Variants in FGD1 observed in about 807,000 individuals in gnomAD.
FGD1 encodes FYVE, RhoGEF and PH domain-containing protein 1.
A neutral mutation model predicts 65.0 loss-of-function variants in FGD1; 12 were observed. The ratio of observed to expected loss-of-function variants is 0.18; its 90% CI spans 0.12 to 0.30. The LOEUF (loss-of-function observed/expected upper bound fraction) is 0.30, where lower values mean the gene tolerates loss of function less well. Among genes scored for constraint, FGD1 ranks in the 10% least tolerant of loss-of-function variants. FGD1 has a pLI of 1.00. For missense variants in FGD1, 542 were observed against 837.6 expected (o/e 0.65, Z 4.36); for synonymous variants, 333 against 343.9 (o/e 0.97, Z 0.35).
Position 54,449,780 on chromosome X carries a change from A to C in FGD1, c.2047-20T>G. 1.8e-6 allele frequency: 2 copies of C among 1,082,840 alleles called. No individual in the cohort carries two copies. The highest frequency in any genetic ancestry group is 2.6e-6 in the Non-Finnish European group (2 of 778,840). 89.2% of individuals were successfully genotyped at this position (1,082,840 alleles called of 1,213,427 possible). On this transcript the variant is annotated intron_variant, in intron 13 of 17. Transcript: ENST00000375135. Reference sequence around the variant, plus strand: ...GATGGCCTGGGGAGGAGGTGTAAGAAATGAGAAGTCAGATCACCCCACAAA... The same window carrying C: ...GATGGCCTGGGGAGGAGGTGTAAGACATGAGAAGTCAGATCACCCCACAAA...
Position 54,471,447 on chromosome X carries a change from G to A in FGD1, c.348C>T (p.Ser116=). The A allele has an allele frequency of 7.4e-6, 9 of 1,211,577 alleles. No homozygotes were observed. Among genetic ancestry groups the A allele is most frequent in the Non-Finnish European group, 1.0e-5 (9 of 895,481 alleles). The stretch of plus-strand genomic sequence containing the variant: ...GCTCTAGGCTTTGGCCAGGGTCAAG[G>A]GACAAACTTTTAACCAGGATCCGGT... ...QGNRILVKSL[S]LDPGQSLEPH... Residue 116 remains serine (S), a synonymous_variant, in exon 2 of 18, where the codon TCC becomes TCT. Coordinates refer to ENST00000375135, the MANE Select transcript of FGD1 (RefSeq NM_004463.3).
intron 6 of FGD1, among the ~76,000 whole-genome samples, chrX:54,466,994 C>T (rs1922778701): frequency 9.0e-6 from 1 of 111,351 alleles, no homozygotes; most frequent in African/African-American, 3.3e-5. Flanking sequence ...GGTGATCCGC[C>T]TGCCTCGGCC....
chrX:54,470,506 A>G (rs1297617375), intron 3 of FGD1, 49 bp from the exon 4 acceptor site: 18 of 1,177,899 alleles, frequency 1.5e-5, no homozygotes, highest in Non-Finnish European at 2.1e-5. Flanking sequence ...AGCTTGACTG[A>G]GAGGCCTCTC....
intron 1 of FGD1, among the ~76,000 whole-genome samples, chrX:54,482,236 G>GCGCACACACA (rs796491256): frequency 0.052 from 5,175 of 99,318 alleles, 153 homozygotes; most frequent in African/African-American, 0.097. Flanking sequence ...GCACACGCGC[G>GCGCACACACA]CACACACACA....
chrX:54,446,223 C>T lies in FGD1; in HGVS notation c.2772G>A (p.Thr924=). ...AVLGRAGRGD[T]FCPGPTLSED... is the part of the protein sequence containing the mutation. Reference sequence around the variant, plus strand: ...CAGACAGTGTGGGCCCCGGGCAGAACGTGTCCCCTCGGCCCGCCCGGCCAA... The same window carrying T: ...CAGACAGTGTGGGCCCCGGGCAGAATGTGTCCCCTCGGCCCGCCCGGCCAA... Residue 924 remains threonine (T), a synonymous_variant, in exon 18 of 18, where the codon ACG becomes ACA. Coordinates refer to ENST00000375135, the MANE Select transcript of FGD1 (RefSeq NM_004463.3). 4 of 1,211,753 alleles carry T rather than the reference C, an allele frequency of 3.3e-6. No individual in the cohort carries two copies. The highest frequency in any genetic ancestry group is 4.5e-6 in the Non-Finnish European group (4 of 895,394).
intron 12 of FGD1, among the ~76,000 whole-genome samples, chrX:54,453,931 A>G (rs778546005): frequency 1.9e-4 from 21 of 111,973 alleles, no homozygotes; most frequent in Admixed American, 5.7e-4. Flanking sequence ...CCTCTGTTAA[A>G]TGGCTGGCCA....
intron 8 of FGD1, among the ~76,000 whole-genome samples, chrX:54,462,925 T>C (rs942709599): frequency 1.0e-4 from 11 of 109,591 alleles, no homozygotes; most frequent in African/African-American, 3.7e-4. Context: ...CCATCATACC[T>C]GGCTAATTTT....
intron 1 of FGD1, among the ~76,000 whole-genome samples, chrX:54,492,107 C>A (rs776110724): frequency 2.2e-4 from 24 of 111,299 alleles, no homozygotes; most frequent in South Asian, 7.6e-4. Context: ...CTCTCAAACC[C>A]CTCTCTGGCA....
intron 8 of FGD1, among the ~76,000 whole-genome samples, chrX:54,456,990 G>A (rs1427822484): frequency 9.0e-6 from 1 of 111,050 alleles, no homozygotes; most frequent in Non-Finnish European, 1.9e-5. Context: ...TCCCATCTCA[G>A]AAAGCTCCAC....
chrX:54,495,243 A>G lies in FGD1; in HGVS notation c.190T>C (p.Ser64Pro). The G allele has an allele frequency of 8.4e-7, 1 of 1,193,025 alleles. No individual in the cohort carries two copies. The highest frequency in any genetic ancestry group is 1.1e-6 in the Non-Finnish European group (1 of 887,034). The change falls in exon 1 of 18, where the codon TCG becomes CCG. Residue 64 changes from serine to proline, a missense_variant. Physicochemically the swap from Ser to Pro is moderately conservative, Grantham distance 74. Coordinates refer to ENST00000375135, the MANE Select transcript of FGD1 (RefSeq NM_004463.3). ...GPLDPQFVGP[S>P]DTSLGAAPGH... is the part of the protein sequence containing the mutation. Reference sequence around the variant, plus strand: ...GGAGCAGCGCCCAGGCTGGTGTCCGAGGGTCCGACAAACTGGGGATCCAGT... The same window carrying G: ...GGAGCAGCGCCCAGGCTGGTGTCCGGGGGTCCGACAAACTGGGGATCCAGT...
intron 1 of FGD1, among the ~76,000 whole-genome samples, chrX:54,484,707 CCTT>C (rs766517503): frequency 1.8e-5 from 2 of 112,633 alleles, no homozygotes; most frequent in South Asian, 7.3e-4. Flanking sequence ...AGGTGTCACA[CCTT>C]CTAGGTCCAA....
intron 1 of FGD1, among the ~76,000 whole-genome samples, chrX:54,485,597 T>C (rs5961077): frequency 0.13 from 14,433 of 110,218 alleles, 1,475 homozygotes; most frequent in African/African-American, 0.34. Flanking sequence ...GCCTCTCAAG[T>C]AGCTGTGACT....
intron 6 of FGD1, 29 bp downstream of exon 6, chrX:54,467,755 G>A: frequency 8.6e-7 from 1 of 1,165,594 alleles, no homozygotes; most frequent in East Asian, 3.2e-5. Flanking sequence ...GGACAGGGGA[G>A]TGGGCAGTCT....
intron 1 of FGD1, among the ~76,000 whole-genome samples, chrX:54,480,819 T>A (rs1923126842): frequency 9.0e-6 from 1 of 110,619 alleles, no homozygotes; most frequent in Admixed American, 9.7e-5. Context: ...ATCTGCCTAA[T>A]TTTTGGATTT....
At chrX:54,478,247 C>T (rs896987996) in intron 1 of FGD1, among the ~76,000 whole-genome samples, 1 of 111,915 alleles carries the variant, frequency 8.9e-6, no homozygotes, top group Admixed American at 9.5e-5. Context: ...GCCTTCAAGA[C>T]AGCACCTGGT....
rs1479710041 is a variant in FGD1, at chrX:54,449,279, G to A, written c.2149-11C>T. On this transcript the variant is annotated splice_polypyrimidine_tract_variant and intron_variant, in intron 14 of 17. Transcript: ENST00000375135. ...CCCAAGATCCACGTTCTGTAGGGAG[G>A]GCCAGGTCTCAGGTCAGAGACAGCT... 8.3e-7 allele frequency: 1 copy of A among 1,210,939 alleles called. No individual in the cohort carries two copies. Among genetic ancestry groups the A allele is most frequent in the Non-Finnish European group, 1.1e-6 (1 of 895,043 alleles).
At chrX:54,465,358 C>A in intron 8 of FGD1, 93 bp downstream of exon 8, 2 of 995,264 alleles carry the variant, frequency 2.0e-6, no homozygotes, top group South Asian at 2.3e-5. Flanking sequence ...GAAGGCCGAC[C>A]CTGTGAATTA....
chrX:54,491,843 T>G (rs1176747691), intron 1 of FGD1, among the ~76,000 whole-genome samples: 1 of 110,524 alleles, frequency 9.0e-6, no homozygotes, highest in Non-Finnish European at 1.9e-5. Flanking sequence ...CAATTCTTAC[T>G]CTTGGAGACT....
At chrX:54,456,631 GT>G in intron 8 of FGD1, 64 bp from the exon 9 acceptor site, 1 of 867,863 alleles carries the variant, frequency 1.2e-6, no homozygotes, top group Non-Finnish European at 1.6e-6. Context: ...CCGGGGCTTT[GT>G]TTTTTGTTTT....
Sources: gnomAD v4.1 joint callset for allele counts (sites outside exome capture counted in the v4.1 genomes callset) on GRCh38, gnomAD v4.1.1 for gene constraint, MANE v1.5 for transcripts, NCBI Gene and HGNC (gene_info 2026-07-23, HGNC 2026-07-21) for gene names.